The following SRPK2 variants were observed in gnomAD, a reference collection of about 807,000 sequenced individuals.
SRPK2 encodes SFRS protein kinase 2.
Under a neutral mutation model 90.8 loss-of-function variants are expected in SRPK2, and 21 were observed. The observed-to-expected ratio is 0.23, with a 90% CI of 0.16 to 0.33. The LOEUF (loss-of-function observed/expected upper bound fraction) is 0.33. Ranked by LOEUF, SRPK2 falls within the 10% of genes least tolerant of loss-of-function variation. SRPK2 has a pLI of 1.00. For missense variants in SRPK2, 620 were observed against 869.0 expected (o/e 0.71, Z 3.60); for synonymous variants, 288 against 311.1 (o/e 0.93, Z 0.78).
At chr7:105,206,746 C>A (rs1445354248) in intron 2 of SRPK2, among the ~76,000 whole-genome samples, 2 of 152,118 alleles carry the variant, frequency 1.3e-5, no homozygotes, top group Non-Finnish European at 2.9e-5. Flanking sequence ...TGCCAAGACT[C>A]AGTACCCAAA....
chr7:105,131,126 T>C (rs1801940730), intron 13 of SRPK2, among the ~76,000 whole-genome samples: 2 of 152,222 alleles, frequency 1.3e-5, no homozygotes, highest in South Asian at 4.1e-4. Flanking sequence ...TTTCTGGTTA[T>C]ATCACCAAAC....
At chr7:105,207,562 C>T (rs1796365432) in intron 2 of SRPK2, among the ~76,000 whole-genome samples, 1 of 151,970 alleles carries the variant, frequency 6.6e-6, no homozygotes, top group Non-Finnish European at 1.5e-5. Flanking sequence ...AACAACAATA[C>T]CAAAATAATT....
At chr7:105,206,613 C>G (rs1339812818) in intron 2 of SRPK2, 2 of 152,802 alleles carry the variant, frequency 1.3e-5, no homozygotes, top group African/African-American at 2.4e-5. Context: ...AACTGGCTGT[C>G]ATATCAAAAC....
chr7:105,369,952 G>A (rs1244846990), intron 2 of SRPK2, among the ~76,000 whole-genome samples: 8 of 152,032 alleles, frequency 5.3e-5, no homozygotes, highest in African/African-American at 1.9e-4. Flanking sequence ...GCTTGAACCC[G>A]GGAAGCAGAG....
rs187057078 is a variant in SRPK2, at chr7:105,175,199, A to G, written c.230-5934T>C. 2.3e-3 allele frequency among the ~76,000 whole-genome samples: 349 copies of G among 152,282 alleles called. 2 individuals carry two copies. The highest frequency in any genetic ancestry group is 8.1e-3 in the African/African-American group (337 of 41,576). ...ATCACACAAAGTATGTCCTCAGACC[A>G]TAACAGAATTAAATTACAAACCAAG... On this transcript the variant is annotated intron_variant, in intron 3 of 15. Transcript: ENST00000393651.
intron 11 of SRPK2, among the ~76,000 whole-genome samples, chr7:105,136,175 T>A (rs180756641): frequency 6.6e-6 from 1 of 152,246 alleles, no homozygotes; most frequent in Non-Finnish European, 1.5e-5. Context: ...AACAGTTACT[T>A]AGCTTCTGAT....
At chr7:105,168,170 C>T (rs1187148683) in intron 4 of SRPK2, 75 bp from the exon 5 acceptor site, 1 of 1,244,162 alleles carries the variant, frequency 8.0e-7, no homozygotes, top group Non-Finnish European at 1.1e-6. Flanking sequence ...CCAGGTTGAG[C>T]ATCCCTAATT....
chr7:105,222,407 T>C (rs1798207444), intron 2 of SRPK2, among the ~76,000 whole-genome samples: 1 of 152,324 alleles, frequency 6.6e-6, no homozygotes, highest in South Asian at 2.1e-4. Flanking sequence ...TAGGAAAATA[T>C]TAAAAGCACT....
In SRPK2 at chr7:105,146,553, T is replaced by C; in HGVS notation, c.727A>G (p.Met243Val). The C allele has an allele frequency of 1.2e-6, 2 of 1,614,192 alleles. No individual in the cohort carries two copies. Among genetic ancestry groups the C allele is most frequent in the Non-Finnish European group, 1.7e-6 (2 of 1,180,030 alleles). Residue 243 changes from methionine to valine, a missense_variant, in exon 8 of 16, where the codon ATG (methionine) becomes GTG (valine). Physicochemically the swap from Met to Val is conservative, Grantham distance 21 (BLOSUM62 1). Around this residue, in one of 8 missense-constraint regions of SRPK2, gnomAD observed 196 missense variants for 339.2 expected, o/e 0.58. Coordinates refer to ENST00000393651, the MANE Select transcript of SRPK2 (RefSeq NM_182692.3). ...TGCCACTCAGTGGCCTCAGCTGCCA[T>C]TCTTCTCACATATGCATCATCCACA... is the stretch of plus-strand genomic sequence containing the variant. ...MCVDDAYVRR[M>V]AAEATEWQKA... is the part of the protein sequence containing the mutation.
chr7:105,215,346 G>A (rs776724173), intron 2 of SRPK2, among the ~76,000 whole-genome samples: 8 of 152,036 alleles, frequency 5.3e-5, no homozygotes, highest in East Asian at 1.9e-4. Context: ...GACAGATAAC[G>A]AGACGTCAGT....
intron 2 of SRPK2, among the ~76,000 whole-genome samples, chr7:105,288,551 G>A (rs1015590486): frequency 1.3e-5 from 2 of 152,174 alleles, no homozygotes; most frequent in African/African-American, 2.4e-5. Context: ...CCAAGAATGC[G>A]CCATTGCACT....
intron 2 of SRPK2, among the ~76,000 whole-genome samples, chr7:105,367,934 C>T (rs543333561): frequency 6.6e-6 from 1 of 151,936 alleles, no homozygotes; most frequent in Admixed American, 6.6e-5. Flanking sequence ...AAAAAATTTC[C>T]ACAGGACAAA....
At chr7:105,246,909 T>C (rs949248660) in intron 2 of SRPK2, among the ~76,000 whole-genome samples, 2 of 152,242 alleles carry the variant, frequency 1.3e-5, no homozygotes, top group African/African-American at 2.4e-5. Flanking sequence ...TTTCCCTTTT[T>C]GTGAACAGCT....
chr7:105,203,905 T>A, intron 2 of SRPK2, 120 bp from the exon 3 acceptor site: 2 of 1,205,720 alleles, frequency 1.7e-6, no homozygotes, highest in Non-Finnish European at 2.3e-6. Flanking sequence ...AGAAGAAATG[T>A]CATTTAATGT....
intron 7 of SRPK2, among the ~76,000 whole-genome samples, chr7:105,148,377 A>G (rs558247313): frequency 2.0e-5 from 3 of 152,360 alleles, no homozygotes; most frequent in South Asian, 2.1e-4. Flanking sequence ...CATATTTCTC[A>G]TATTAAAACA....
intron 2 of SRPK2, among the ~76,000 whole-genome samples, chr7:105,254,806 C>G (rs1803018649): frequency 6.6e-6 from 1 of 152,100 alleles, no homozygotes; most frequent in Non-Finnish European, 1.5e-5. Context: ...TCTCCTGCCT[C>G]AGCCTCCTGA....
At chr7:105,218,311 T>C (rs1309664909) in intron 2 of SRPK2, among the ~76,000 whole-genome samples, 1 of 152,212 alleles carries the variant, frequency 6.6e-6, no homozygotes, top group South Asian at 2.1e-4. Context: ...AATAGAACTA[T>C]ACAGCACAAA....
chr7:105,198,429 T>C (rs2299309), intron 3 of SRPK2, among the ~76,000 whole-genome samples: 63,467 of 152,012 alleles, frequency 0.42, 15,030 homozygotes, highest in South Asian at 0.53. Flanking sequence ...GCCCCTGATC[T>C]TGGTAATCCC....
intron 11 of SRPK2, 117 bp from the exon 12 acceptor site, chr7:105,133,221 G>T: frequency 1.1e-6 from 1 of 891,198 alleles, no homozygotes; most frequent in Non-Finnish European, 1.8e-6. Flanking sequence ...GATCACTTAG[G>T]CCTGGAATAC....
Sources: gnomAD v4.1 joint callset for allele counts (sites outside exome capture counted in the v4.1 genomes callset) on GRCh38, gnomAD v4.1.1 for gene constraint, gnomAD v4.1.1 regional missense constraint, MANE v1.5 for transcripts, NCBI Gene and HGNC (gene_info 2026-07-23, HGNC 2026-07-21) for gene names.